Variants in FANCD2OS observed in about 807,000 individuals in gnomAD.
FANCD2OS encodes FANCD2 opposite strand.
A neutral mutation model predicts 13.2 loss-of-function variants in FANCD2OS; 11 were observed. That is an observed-to-expected ratio of 0.83 (90% CI 0.52 to 1.38). The LOEUF (loss-of-function observed/expected upper bound fraction) is 1.38. Among genes scored for constraint, FANCD2OS ranks in the 40% most tolerant of loss-of-function variants. The pLI is 0.00. For synonymous variants in FANCD2OS, 69 were observed against 84.5 expected (o/e 0.82, Z 1.01); for missense variants, 217 against 213.9 (o/e 1.01, Z -0.09).
chr3:10,084,905 G>A (rs965397643), intron 2 of FANCD2OS, among the ~76,000 whole-genome samples: 8 of 152,298 alleles, frequency 5.3e-5, no homozygotes, highest in Admixed American at 5.2e-4. Flanking sequence ...TGGCAGCAGA[G>A]TGCAGGACAG....
chr3:10,106,437 G>A (rs575622842), intron 1 of FANCD2OS, among the ~76,000 whole-genome samples: 13 of 152,102 alleles, frequency 8.5e-5, no homozygotes, highest in African/African-American at 1.4e-4. Context: ...TTTTTAGCAC[G>A]TACCTATTTT....
chr3:10,099,222 A>G, downstream of FANCD2OS: 1 of 1,352,118 alleles, frequency 7.4e-7, no homozygotes, highest in Non-Finnish European at 9.5e-7. Context: ...GGTGAAAGCC[A>G]AAGCACAGAG....
intron 2 of FANCD2OS, among the ~76,000 whole-genome samples, chr3:10,095,967 C>T (rs1391634726): frequency 2.0e-5 from 3 of 150,034 alleles, no homozygotes; most frequent in Admixed American, 6.7e-5. Context: ...CTGCAAGTTC[C>T]GCCTCCCGGC....
chr3:10,081,401 A>G, exon 3 of FANCD2OS: 1 of 1,614,192 alleles, frequency 6.2e-7, no homozygotes, highest in South Asian at 1.1e-5. Flanking sequence ...AAAGTTCAGG[A>G]GTACCACATA....
chr3:10,093,406 C>A, intron 2 of FANCD2OS: 1 of 1,183,606 alleles, frequency 8.4e-7, no homozygotes, highest in South Asian at 1.2e-5. Flanking sequence ...ATAAATTGCT[C>A]AATTTCTTGC....
At chr3:10,091,812 C>T (rs1456281468) in intron 2 of FANCD2OS, among the ~76,000 whole-genome samples, 2 of 152,178 alleles carry the variant, frequency 1.3e-5, no homozygotes, top group African/African-American at 4.8e-5. Flanking sequence ...TCAGCAACTA[C>T]CACCGGGTGC....
intron 2 of FANCD2OS, among the ~76,000 whole-genome samples, chr3:10,084,343 G>A (rs1464180580): frequency 2.7e-5 from 4 of 150,320 alleles, no homozygotes; most frequent in Admixed American, 6.6e-5. Flanking sequence ...CCAGGCTGGA[G>A]TGTAGTAACA....
chr3:10,085,250 A>G (rs1694113412), intron 2 of FANCD2OS, among the ~76,000 whole-genome samples: 1 of 152,156 alleles, frequency 6.6e-6, no homozygotes, highest in Admixed American at 6.5e-5. Context: ...CTGTGAAAAG[A>G]AAGAGGAAAG....
chr3:10,094,344 TCA>T, intron 2 of FANCD2OS: 1 of 1,613,954 alleles, frequency 6.2e-7, no homozygotes, highest in Non-Finnish European at 8.5e-7. Context: ...CTCCTAGACT[TCA>T]GTTTTAGAAA....
exon 3 of FANCD2OS, chr3:10,081,430 A>G: frequency 6.2e-7 from 1 of 1,614,046 alleles, no homozygotes; most frequent in Non-Finnish European, 8.5e-7. Context: ...CTGCTATCAG[A>G]GGCTGCTGCA....
Position 10,092,308 on chromosome 3 carries a change from C to T in FANCD2OS, c.*44-10777G>A, listed in dbSNP as rs530943946. The stretch of plus-strand genomic sequence containing the variant: ...CCAAATAACTGCAGAAACCAAGTGT[C>T]CTGGCTTCCAAAATGGACTTTCCTT... On this transcript the variant is annotated intron_variant, in intron 2 of 2. Coordinates refer to the FANCD2OS transcript ENST00000524279. The T allele has an allele frequency of 7.3e-4, 993 of 1,355,332 alleles. 6 individuals are homozygous for T. The Middle Eastern group carries it at 0.018, about 24-fold the overall frequency. The allele number at this position is 1,355,332 out of a possible 1,614,324, so 84.0% of individuals were successfully genotyped here. A position where few individuals can be genotyped will look rare whatever the true frequency, so the allele number is the denominator to read the frequency against.
chr3:10,095,030 T>G, intron 2 of FANCD2OS: 1 of 653,494 alleles, frequency 1.5e-6, no homozygotes, highest in Non-Finnish European at 2.8e-6. Flanking sequence ...GAGTTGAGAA[T>G]AAGAGGTAGC....
chr3:10,098,851 T>C, downstream of FANCD2OS: 1 of 1,614,206 alleles, frequency 6.2e-7, no homozygotes, highest in African/African-American at 1.3e-5. Context: ...CTGGCACTGA[T>C]GGTTGCATTT....
At chr3:10,081,587 T>A in intron 2 of FANCD2OS, 1 of 803,458 alleles carries the variant, frequency 1.2e-6, no homozygotes, top group Non-Finnish European at 2.2e-6. Flanking sequence ...TATGGTTCAT[T>A]AATTTTGTGG....
intron 2 of FANCD2OS, chr3:10,094,478 T>C (rs1694836075): frequency 2.3e-6 from 2 of 876,582 alleles, no homozygotes; most frequent in African/African-American, 1.6e-5. Context: ...TCTGGTCCAC[T>C]TCAGCTGTAG....
At chr3:10,094,974 T>A in intron 2 of FANCD2OS, 1 of 558,680 alleles carries the variant, frequency 1.8e-6, no homozygotes, top group Non-Finnish European at 3.2e-6. Context: ...AAAACTAAAA[T>A]GCAGGTCTTA....
intron 2 of FANCD2OS, chr3:10,088,776 G>T: frequency 6.3e-7 from 1 of 1,594,558 alleles, no homozygotes; most frequent in Non-Finnish European, 8.6e-7. Context: ...GGAATCTGTA[G>T]TTGTATTCTA....
chr3:10,090,262 G>T, intron 2 of FANCD2OS: 1 of 1,518,350 alleles, frequency 6.6e-7, no homozygotes, highest in Non-Finnish European at 9.1e-7. Context: ...GCATCATGGT[G>T]TGGGCACGCA....
chr3:10,092,832 C>T (rs1427969293), intron 2 of FANCD2OS, among the ~76,000 whole-genome samples: 1 of 151,650 alleles, frequency 6.6e-6, no homozygotes, highest in Non-Finnish European at 1.5e-5. Flanking sequence ...GCTGGGACTA[C>T]AGGAACATGC....
Sources: allele counts gnomAD v4.1 joint callset (sites outside exome capture counted in the v4.1 genomes callset), GRCh38; gene constraint gnomAD v4.1.1; transcripts MANE v1.5; gene names NCBI Gene and HGNC (gene_info 2026-07-23, HGNC 2026-07-21).